The following WLS variants were observed in gnomAD, a reference collection of about 807,000 sequenced individuals.
WLS encodes the protein Wnt ligand secretion mediator, also known as protein wntless homolog.
WLS carries 23 observed loss-of-function variants against 62.8 expected under a neutral mutation model. That is an observed-to-expected ratio of 0.37 (90% CI 0.26 to 0.52). The LOEUF is 0.52. Ranked by LOEUF, WLS falls within the 20% of genes least tolerant of loss-of-function variation. The pLI is 0.92. For missense variants in WLS, 615 were observed against 697.3 expected, an observed-to-expected ratio of 0.88 and a Z score of 1.33; for synonymous variants, 246 against 244.1, an observed-to-expected ratio of 1.01 and a Z score of -0.07.
At chr1:68,208,122 C>G (rs1649358491) in intron 1 of WLS, among the ~76,000 whole-genome samples, 1 of 152,154 alleles carries the variant, frequency 6.6e-6, no homozygotes, top group South Asian at 2.1e-4. Context: ...GAGAAATATC[C>G]CAGGCATATC....
chr1:68,114,574 C>T (rs1646267125), intron 11 of WLS, among the ~76,000 whole-genome samples: 1 of 152,178 alleles, frequency 6.6e-6, no homozygotes. Context: ...ACAGAGCTGG[C>T]TCCTCGTTTT....
chr1:68,168,802 T>G (rs1014115633), intron 2 of WLS, among the ~76,000 whole-genome samples: 42 of 152,294 alleles, frequency 2.8e-4, no homozygotes, highest in African/African-American at 9.1e-4. Context: ...AATCTGGAGT[T>G]ATTTATGCCA....
At position 68,159,170 on chromosome 1, in the gene WLS, G is replaced by A. The variant is rs1432786546; in HGVS notation, c.457C>T (p.His153Tyr). ...TTGAGTTTCCGTGGTACTCTTTCAT[G>A]GGCCATTTCAGTCCACTCAGCAAAC... ...DAFAEWTEMA[H>Y]ERVPRKLKCT... Residue 153 changes from histidine to tyrosine, a missense_variant, in exon 3 of 12, where the codon CAT (histidine) becomes TAT (tyrosine). Transcript: ENST00000262348. 3.1e-6 allele frequency: 5 copies of A among 1,613,948 alleles called. No homozygotes were observed. The highest frequency in any genetic ancestry group is 4.2e-6 in the Non-Finnish European group (5 of 1,180,006).
intron 5 of WLS, among the ~76,000 whole-genome samples, chr1:68,151,464 A>G (rs1329931380): frequency 4.6e-5 from 7 of 152,302 alleles, no homozygotes; most frequent in African/African-American, 1.7e-4. Context: ...AACTCCTACT[A>G]TGTGTCAGTC....
At chr1:68,206,254 T>G (rs1337381420) in intron 1 of WLS, among the ~76,000 whole-genome samples, 3 of 151,142 alleles carry the variant, frequency 2.0e-5, no homozygotes, top group African/African-American at 4.9e-5. Flanking sequence ...AAAAGGGGGG[T>G]TTAGTATGGA....
chr1:68,150,788 A>T (rs1646815007), intron 5 of WLS, among the ~76,000 whole-genome samples: 2 of 152,200 alleles, frequency 1.3e-5, no homozygotes, highest in Non-Finnish European at 1.5e-5. Context: ...TTGTTTCAAT[A>T]ATACATGACT....
At chr1:68,228,095 T>C (rs1044100330) in intron 1 of WLS, 10 of 309,844 alleles carry the variant, frequency 3.2e-5, no homozygotes, top group Admixed American at 9.6e-5. Flanking sequence ...GTATGTTATA[T>C]CTTATACAGT....
rs539230193 is a variant in WLS at position 68,146,552 on chromosome 1, G to A, written c.1135-540C>T. 1.4e-4 allele frequency among the ~76,000 whole-genome samples: 21 copies of A among 152,256 alleles called. No homozygotes were observed. The East Asian group carries it at 3.7e-3, about 27-fold the overall frequency. ...AGTCCTTGGAGTTTTATAAGAATGC[G>A]ATTGAGATACTCTGGCATAATTGAA... On this transcript the variant is annotated intron_variant, in intron 8 of 11. Coordinates refer to ENST00000262348, the MANE Select transcript of WLS (RefSeq NM_024911.7).
chr1:68,155,990 C>A (rs997533462), intron 3 of WLS, among the ~76,000 whole-genome samples: 2 of 152,188 alleles, frequency 1.3e-5, no homozygotes, highest in African/African-American at 4.8e-5. Context: ...AGGAAAGCCT[C>A]TTGGACTTCG....
intron 2 of WLS, among the ~76,000 whole-genome samples, chr1:68,167,656 A>G (rs544309892): frequency 7.2e-5 from 11 of 152,314 alleles, no homozygotes; most frequent in Admixed American, 3.3e-4. Flanking sequence ...GCATTTATAG[A>G]TTTGAAATCC....
chr1:68,138,074 TTTAATC>T (rs1646636568), intron 10 of WLS, 141 bp from the exon 11 acceptor site: 3 of 942,684 alleles, frequency 3.2e-6, no homozygotes, highest in Non-Finnish European at 4.7e-6. Context: ...GACTCCATCT[TTTAATC>T]TGAATCATTT....
chr1:68,190,529 G>A (rs763382581), intron 2 of WLS, among the ~76,000 whole-genome samples: 5 of 152,208 alleles, frequency 3.3e-5, no homozygotes. Context: ...ACTATCCCTG[G>A]GGGAAGCCCG....
At chr1:68,209,047 G>A (rs1428488223) in intron 1 of WLS, among the ~76,000 whole-genome samples, 2 of 152,120 alleles carry the variant, frequency 1.3e-5, no homozygotes, top group African/African-American at 4.8e-5. Context: ...AACTGTTGTG[G>A]GGGTTTGGCT....
At chr1:68,195,003 A>C (rs1416560537) in intron 1 of WLS, among the ~76,000 whole-genome samples, 1 of 152,238 alleles carries the variant, frequency 6.6e-6, no homozygotes, top group East Asian at 1.9e-4. Flanking sequence ...ACATTTACCC[A>C]AAATCCCACT....
intron 1 of WLS, 99 bp from the exon 2 acceptor site, chr1:68,194,326 T>C (rs1032461526): frequency 1.1e-5 from 16 of 1,437,914 alleles, no homozygotes; most frequent in African/African-American, 2.8e-5. Flanking sequence ...CCAGCTTTTG[T>C]ATCGCCTTCT....
At chr1:68,111,377 C>T (rs1359393042) in intron 11 of WLS, among the ~76,000 whole-genome samples, 2 of 152,180 alleles carry the variant, frequency 1.3e-5, no homozygotes, top group Non-Finnish European at 2.9e-5. Context: ...AACCTGGGTA[C>T]TAATTCTTGT....
chr1:68,163,022 G>C (rs2100513296), intron 2 of WLS: 1 of 1,593,372 alleles, frequency 6.3e-7, no homozygotes, highest in Non-Finnish European at 8.6e-7. Flanking sequence ...TCATGATCTG[G>C]GGGCGGATAC....
rs771860961 is a variant in WLS, at chr1:68,137,895, G to A, written c.1401C>T (p.Val467=). The change falls in exon 11 of 12, where the codon GTC becomes GTT. Residue 467 remains valine (V), a synonymous_variant. Coordinates refer to ENST00000262348, the MANE Select transcript of WLS (RefSeq NM_024911.7). The part of the protein sequence containing the change: ...EGHWKWGGVT[V]QVNSAFFTGI... ...CTGTGAAAAAGGCACTGTTCACTTGGACTGTGACGCCGCCCCATTTCCAAT... is the reference window on the plus strand; with the variant it reads ...CTGTGAAAAAGGCACTGTTCACTTGAACTGTGACGCCGCCCCATTTCCAAT... The A allele has an allele frequency of 6.2e-7, 1 of 1,613,868 alleles. No individual in the cohort carries two copies. The highest frequency in any genetic ancestry group is 1.3e-5 in the African/African-American group (1 of 74,908).
At chr1:68,145,458 G>C (rs1270664562) in intron 9 of WLS, among the ~76,000 whole-genome samples, 5 of 152,108 alleles carry the variant, frequency 3.3e-5, no homozygotes. Flanking sequence ...TAAGAGTCTG[G>C]AAATCAGATC....
Sources: gnomAD v4.1 joint callset for allele counts (sites outside exome capture counted in the v4.1 genomes callset) on GRCh38, gnomAD v4.1.1 for gene constraint, MANE v1.5 for transcripts, NCBI Gene and HGNC (gene_info 2026-07-23, HGNC 2026-07-21) for gene names.